SCAPER: variants seen among roughly 807,000 people sequenced by gnomAD.
SCAPER encodes the protein S-phase cyclin A associated protein in the ER.
A neutral mutation model predicts 182.2 loss-of-function variants in SCAPER; 98 were observed. The ratio of observed to expected loss-of-function variants is 0.54; its 90% CI spans 0.46 to 0.64. The LOEUF is 0.64. Ranked by LOEUF, SCAPER falls within the 30% of genes least tolerant of loss-of-function variation. The pLI is 0.00. For missense variants in SCAPER, 1,432 were observed against 1,690.0 expected (o/e 0.85, Z 2.68); for synonymous variants, 605 against 564.6 (o/e 1.07, Z -1.01).
chr15:76,780,533 C>A (rs1039269999), intron 8 of SCAPER, among the ~76,000 whole-genome samples: 1 of 152,202 alleles, frequency 6.6e-6, no homozygotes, highest in African/African-American at 2.4e-5. Context: ...GTGGTTCTCC[C>A]AGCATGGCAT....
At chr15:76,777,258 A>G (rs1262118819) in intron 8 of SCAPER, among the ~76,000 whole-genome samples, 1 of 152,238 alleles carries the variant, frequency 6.6e-6, no homozygotes, top group Non-Finnish European at 1.5e-5. Flanking sequence ...GAATTTTATT[A>G]ATATATGTGG....
chr15:76,368,377 T>G (rs1158635374), intron 29 of SCAPER, among the ~76,000 whole-genome samples: 2 of 152,366 alleles, frequency 1.3e-5, no homozygotes, highest in Middle Eastern at 3.4e-3. Flanking sequence ...ACTCCTTATT[T>G]CTGTGCGTGG....
intron 20 of SCAPER, among the ~76,000 whole-genome samples, chr15:76,697,543 A>T (rs1344643593): frequency 2.6e-5 from 4 of 152,196 alleles, no homozygotes. Flanking sequence ...TGCGAAATTT[A>T]TATTTCAGTT....
chr15:76,797,093 T>A, intron 7 of SCAPER: 1 of 152,182 alleles, frequency 6.6e-6, no homozygotes, highest in East Asian at 1.9e-4. Flanking sequence ...AATAAAACTG[T>A]ATCCAAGGTT....
chr15:76,735,607 CAGG>C (rs1170356908), intron 15 of SCAPER, among the ~76,000 whole-genome samples: 1 of 147,862 alleles, frequency 6.8e-6, no homozygotes, highest in Admixed American at 6.9e-5. Flanking sequence ...GAGGCTGAGG[CAGG>C]AGAATCGCTT....
intron 20 of SCAPER, among the ~76,000 whole-genome samples, chr15:76,684,093 C>T (rs892357365): frequency 2.0e-5 from 3 of 151,996 alleles, no homozygotes; most frequent in African/African-American, 7.3e-5. Context: ...GGAAAGATGG[C>T]TACCAGCCTC....
At chr15:76,790,004 G>A (rs547117452) in intron 8 of SCAPER, among the ~76,000 whole-genome samples, 99 of 152,198 alleles carry the variant, frequency 6.5e-4, no homozygotes, top group Middle Eastern at 3.4e-3. Context: ...TGAGGCGGGC[G>A]GATCACGAGG....
At chr15:76,867,278 T>C (rs542766653) in intron 2 of SCAPER, among the ~76,000 whole-genome samples, 3 of 152,332 alleles carry the variant, frequency 2.0e-5, no homozygotes, top group Admixed American at 6.5e-5. Flanking sequence ...AATTCTTGTA[T>C]CTTTTTTCCA....
intron 21 of SCAPER, among the ~76,000 whole-genome samples, chr15:76,625,700 T>C (rs963376270): frequency 1.3e-5 from 2 of 152,128 alleles, no homozygotes; most frequent in African/African-American, 4.8e-5. Flanking sequence ...GAACAATACC[T>C]TTATATGGTC....
rs35527740 is a variant in SCAPER at position 76,798,359 on chromosome 15, TA to T, written c.611+1888del. 6.4e-3 allele frequency among the ~76,000 whole-genome samples: 704 copies of T among 110,390 alleles called. 6 individuals are homozygous for T. Among genetic ancestry groups the T allele is most frequent in the African/African-American group, 0.019 (539 of 28,186 alleles). The allele number at this position is 110,390 out of a possible 152,430, so 72.4% of individuals were successfully genotyped here. ...TGGGCAACAGAGCAAGACTATATCT[TA>T]AAAAAAAAAAAAAAGAAAAGAAAAA... On this transcript the variant is annotated intron_variant, in intron 7 of 31. Transcript: ENST00000563290.
At chr15:76,500,731 T>A (rs1478726383) in intron 24 of SCAPER, among the ~76,000 whole-genome samples, 2 of 152,140 alleles carry the variant, frequency 1.3e-5, no homozygotes, top group Non-Finnish European at 2.9e-5. Flanking sequence ...TCTAAAGTTT[T>A]AAAAAGGCTA....
chr15:76,713,029 G>T (rs1009381168), intron 17 of SCAPER, among the ~76,000 whole-genome samples: 1 of 152,096 alleles, frequency 6.6e-6, no homozygotes, highest in African/African-American at 2.4e-5. Flanking sequence ...TTTTCAAAGG[G>T]AATGCTTCCA....
intron 22 of SCAPER, among the ~76,000 whole-genome samples, chr15:76,612,514 G>A (rs368873325): frequency 6.6e-6 from 1 of 152,108 alleles, no homozygotes; most frequent in East Asian, 1.9e-4. Context: ...GTGATTACAG[G>A]CATGAGGCAC....
At chr15:76,443,443 G>C (rs148550021) in intron 25 of SCAPER, among the ~76,000 whole-genome samples, 1 of 152,114 alleles carries the variant, frequency 6.6e-6, no homozygotes, top group Non-Finnish European at 1.5e-5. Context: ...TGAAATCACT[G>C]GTGTTTTACA....
At chr15:76,621,873 T>C (rs1352938808) in intron 21 of SCAPER, 44 bp from the exon 22 acceptor site, 1 of 1,413,950 alleles carries the variant, frequency 7.1e-7, no homozygotes, top group East Asian at 2.4e-5. Context: ...CACTGCTAAT[T>C]TTTATAATAA....
At chr15:76,613,827 G>A (rs1193007151) in intron 22 of SCAPER, among the ~76,000 whole-genome samples, 2 of 152,090 alleles carry the variant, frequency 1.3e-5, no homozygotes, top group South Asian at 2.1e-4. Context: ...AAATTAGTTC[G>A]GCCATTGTGG....
chr15:76,648,326 A>T (rs2054728302), intron 21 of SCAPER, among the ~76,000 whole-genome samples: 1 of 152,160 alleles, frequency 6.6e-6, no homozygotes, highest in Non-Finnish European at 1.5e-5. Flanking sequence ...CAGTAGAAAA[A>T]AAAGATCACA....
intron 4 of SCAPER, among the ~76,000 whole-genome samples, chr15:76,849,709 A>G (rs2070511667): frequency 6.6e-6 from 1 of 152,208 alleles, no homozygotes; most frequent in African/African-American, 2.4e-5. Context: ...CACCTACTGG[A>G]TCACATCCCA....
chr15:76,420,331 C>T (rs144353919), intron 26 of SCAPER, among the ~76,000 whole-genome samples: 218 of 148,790 alleles, frequency 1.5e-3, no homozygotes, highest in African/African-American at 5.2e-3. Flanking sequence ...TAGTCTCCTG[C>T]GCTCCTGAGT....
Sources: allele counts gnomAD v4.1 joint callset (sites outside exome capture counted in the v4.1 genomes callset), GRCh38; gene constraint gnomAD v4.1.1; transcripts MANE v1.5; gene names NCBI Gene and HGNC (gene_info 2026-07-23, HGNC 2026-07-21).